Variants in LRRC61 observed in about 807,000 individuals in gnomAD.
The protein encoded by LRRC61 is leucine rich repeat containing 61.
In LRRC61, 9 loss-of-function variants were observed where a neutral mutation model predicts 15.1. The observed-to-expected ratio is 0.60, with a 90% CI of 0.36 to 1.04. The LOEUF is 1.04. Among genes scored for constraint, LRRC61 ranks in the 50% least tolerant of loss-of-function variants. The pLI, the probability that LRRC61 is intolerant of heterozygous loss-of-function variation, is 0.01. For missense variants in LRRC61, 344 were observed against 335.6 expected (o/e 1.03, Z -0.20); for synonymous variants, 173 against 158.6 (o/e 1.09, Z -0.68).
At chr7:150,315,073 A>T in the LRRC61 span, among the ~76,000 whole-genome samples, 2 of 147,320 alleles carry the variant, frequency 1.4e-5, no homozygotes, top group Admixed American at 6.8e-5. Flanking sequence ...ATTAAATAAG[A>T]AAATATTTAT....
In LRRC61 at chr7:150,337,272, C is replaced by T. The variant is rs1379502374; in HGVS notation, c.411C>T (p.Ser137=). ...TCCGAGACCCTTTGGCCCGGCTCAG[C>T]AACCCGCTCTGTGCCAACCCCTCCT... ...LRLRDPLARL[S]NPLCANPSYW... The change falls in exon 3 of 3, where the codon AGC becomes AGT. Residue 137 remains serine, a synonymous_variant. Transcript: ENST00000359623. 3 of 1,603,576 alleles carry T rather than the reference C, an allele frequency of 1.9e-6. No individual in the cohort carries two copies. Among genetic ancestry groups the T allele is most frequent in the Non-Finnish European group, 1.7e-6 (2 of 1,179,902 alleles).
At chr7:150,332,995 G>A (rs931556289) in intron 2 of LRRC61, among the ~76,000 whole-genome samples, 3 of 152,200 alleles carry the variant, frequency 2.0e-5, no homozygotes, top group African/African-American at 7.2e-5. Flanking sequence ...CCGAGAATGT[G>A]ATGCATCCTC....
Position 150,336,832 on chromosome 7 carries a change from G to T in LRRC61, c.-30G>T. The T allele has an allele frequency of 6.3e-7, 1 of 1,576,102 alleles. No homozygotes were observed. ...GGAACCCTGTGACAGTCCTGCCAGG[G>T]CCCAGGCCATCCCAACCGACTTCCA... On this transcript the variant is annotated 5_prime_UTR_variant, in exon 3 of 3. Coordinates refer to ENST00000359623, the MANE Select transcript of LRRC61 (RefSeq NM_001142928.2).
rs1797787534 is a variant in LRRC61 at position 150,323,476 on chromosome 7, G to C, written c.-399G>C. 1 of 408,244 alleles carries C rather than the reference G, an allele frequency of 2.4e-6. No homozygotes were observed. Among genetic ancestry groups the C allele is most frequent in the African/African-American group, 2.2e-5 (1 of 45,146 alleles). The allele number at this position is 408,244 out of a possible 1,614,324, so 25.3% of individuals were successfully genotyped here. A position where few individuals can be genotyped will look rare whatever the true frequency, so the allele number is the denominator to read the frequency against. On this transcript the variant is annotated 5_prime_UTR_variant, in exon 1 of 3. Transcript: ENST00000359623. ...CGGGGCTGCGGCTCTTACCTGCCGA[G>C]GAGGCGCCGGCTCTGCGGTGCGGAG...
chr7:150,322,689 A>G (rs1797665217), upstream of LRRC61: 1 of 152,236 alleles, frequency 6.6e-6, no homozygotes. Flanking sequence ...TGCTCTGCCT[A>G]TGGAGTAGCC....
At chr7:150,316,676 G>T in the LRRC61 span, among the ~76,000 whole-genome samples, 1 of 151,954 alleles carries the variant, frequency 6.6e-6, no homozygotes, top group Non-Finnish European at 1.5e-5. Flanking sequence ...AGTAGAGACG[G>T]GGTTTCACCA....
At chr7:150,318,538 C>T (rs971269629), upstream of LRRC61, among the ~76,000 whole-genome samples, 11 of 152,102 alleles carry the variant, frequency 7.2e-5, no homozygotes, top group Non-Finnish European at 1.5e-4. Context: ...CCAAGGTGGG[C>T]GGATCACGAG....
At chr7:150,331,257 T>C (rs1326307099) in intron 2 of LRRC61, 2 of 838,514 alleles carry the variant, frequency 2.4e-6, no homozygotes, top group East Asian at 2.7e-5. Context: ...TCATCTGCTC[T>C]AGTGGTGACC....
intron 2 of LRRC61, chr7:150,332,523 A>G (rs965736271): frequency 1.8e-5 from 3 of 167,134 alleles, no homozygotes; most frequent in South Asian, 2.1e-4. Flanking sequence ...CCAATTCATT[A>G]TAACATTTGG....
upstream of LRRC61, among the ~76,000 whole-genome samples, chr7:150,320,599 C>T (rs1434199887): frequency 1.3e-5 from 2 of 152,124 alleles, no homozygotes; most frequent in Non-Finnish European, 2.9e-5. Flanking sequence ...CCCGTCTCTA[C>T]TAAAAATATA....
intron 2 of LRRC61, chr7:150,331,169 T>G: frequency 6.6e-7 from 1 of 1,518,338 alleles, no homozygotes; most frequent in Non-Finnish European, 8.9e-7. Flanking sequence ...AACTCTTCTC[T>G]CAAGGTGGAA....
intron 2 of LRRC61, among the ~76,000 whole-genome samples, chr7:150,329,027 A>T (rs1167265136): frequency 6.6e-6 from 1 of 152,202 alleles, no homozygotes; most frequent in East Asian, 1.9e-4. Context: ...CCAGAGATCA[A>T]GTCTTGATGC....
chr7:150,337,229 G>A lies in LRRC61; in HGVS notation c.368G>A (p.Cys123Tyr). ...GQLQCLAGLP[C>Y]LEYLRLRDPL... ...CTGCAGTGTCTGGCTGGGCTACCGT[G>A]CCTGGAGTACCTGCGGCTCCGAGAC... The change falls in exon 3 of 3, where the codon TGC becomes TAC. Residue 123 changes from cysteine to tyrosine, a missense_variant. Physicochemically the swap from Cys to Tyr is radical, Grantham distance 194 (BLOSUM62 -2). Transcript: ENST00000359623. 6.2e-7 allele frequency: 1 copy of A among 1,604,800 alleles called. No individual in the cohort carries two copies.
Position 150,333,449 on chromosome 7 carries a change from T to C in LRRC61, c.-144-3269T>C, listed in dbSNP as rs1345253102. Among the ~76,000 whole-genome samples, 3 of 152,218 alleles carry C rather than the reference T, an allele frequency of 2.0e-5. No homozygotes were observed. The highest frequency in any genetic ancestry group is 4.4e-5 in the Non-Finnish European group (3 of 68,034). ...AAGGCTCAGCCTGCCCAGATGGCAGTAATGCCAGGGTTGGGAAGCCCTCTT... is the reference window on the plus strand; with the variant it reads ...AAGGCTCAGCCTGCCCAGATGGCAGCAATGCCAGGGTTGGGAAGCCCTCTT... On this transcript the variant is annotated intron_variant, in intron 2 of 2. Coordinates refer to ENST00000359623, the MANE Select transcript of LRRC61 (RefSeq NM_001142928.2). This position sits in a 1 kb window ranked among gnomAD's most constrained non-coding sequence, Gnocchi z 4.3.
At chr7:150,334,127 G>A (rs1336952001) in intron 2 of LRRC61, 11 of 984,878 alleles carry the variant, frequency 1.1e-5, no homozygotes, top group Non-Finnish European at 1.3e-5. Context: ...CTGTCTGCCT[G>A]CTTCTTTGCT....
intron 2 of LRRC61, chr7:150,334,064 T>G (rs1173651233): frequency 6.1e-6 from 6 of 985,336 alleles, no homozygotes; most frequent in Non-Finnish European, 7.2e-6. Context: ...TTCTGCTCCG[T>G]TTCCTCTTCT....
chr7:150,322,571 G>A (rs1190675499), upstream of LRRC61: 1 of 152,232 alleles, frequency 6.6e-6, no homozygotes, highest in African/African-American at 2.4e-5. Flanking sequence ...GGAAGCCTCA[G>A]TTCCGGGAAC....
At chr7:150,318,441 T>C (rs1464443596), upstream of LRRC61, among the ~76,000 whole-genome samples, 1 of 152,204 alleles carries the variant, frequency 6.6e-6, no homozygotes, top group East Asian at 1.9e-4. Context: ...ACTGCAGTCC[T>C]GGAAAACTAA....
At position 150,337,800 on chromosome 7, in the gene LRRC61, C is replaced by T; in HGVS notation, c.*159C>T. ...CCTGAGAGCAGCCCCTCCCCACCAT[C>T]CCTCCACATGCTGCAAGGACAGACT... On this transcript the variant is annotated 3_prime_UTR_variant, in exon 3 of 3. Transcript: ENST00000359623. 2 of 761,036 alleles carry T rather than the reference C, an allele frequency of 2.6e-6. No homozygotes were observed. The highest frequency in any genetic ancestry group is 2.8e-5 in the East Asian group (1 of 35,804). The allele number at this position is 761,036 out of a possible 1,614,324, so 47.1% of individuals were successfully genotyped here. A position where few individuals can be genotyped will look rare whatever the true frequency, so the allele number is the denominator to read the frequency against.
Sources: allele counts gnomAD v4.1 joint callset (sites outside exome capture counted in the v4.1 genomes callset), GRCh38; gene constraint gnomAD v4.1.1; non-coding constraint Gnocchi (gnomAD v3.1); transcripts MANE v1.5; gene names NCBI Gene and HGNC (gene_info 2026-07-23, HGNC 2026-07-21).